KIF26B: variants seen among roughly 807,000 people sequenced by gnomAD.
KIF26B encodes the protein kinesin-like protein KIF26B.
KIF26B carries 63 observed loss-of-function variants against 151.2 expected under a neutral mutation model. The observed-to-expected ratio is 0.42, with a 90% CI of 0.34 to 0.51. The LOEUF is 0.51. Among genes scored for constraint, KIF26B ranks in the 20% least tolerant of loss-of-function variants. The pLI is 0.07. For synonymous variants in KIF26B, 1,357 were observed against 1,262.1 expected (o/e 1.08, Z -1.59); for missense variants, 2,813 against 2,913.6 (o/e 0.97, Z 0.79).
intron 3 of KIF26B, among the ~76,000 whole-genome samples, chr1:245,393,659 T>C (rs1251258155): frequency 6.6e-6 from 1 of 152,202 alleles, no homozygotes; most frequent in Non-Finnish European, 1.5e-5. Context: ...GTCTTTTCTT[T>C]TGAGTTGTTG....
intron 10 of KIF26B, among the ~76,000 whole-genome samples, chr1:245,659,864 C>T (rs959287687): frequency 6.6e-6 from 1 of 150,606 alleles, no homozygotes; most frequent in Admixed American, 6.6e-5. Context: ...CATGGCAAAA[C>T]CCAATATCTA....
At chr1:245,603,628 C>A (rs2043420219) in intron 6 of KIF26B, among the ~76,000 whole-genome samples, 2 of 152,148 alleles carry the variant, frequency 1.3e-5, no homozygotes, top group Non-Finnish European at 2.9e-5. Flanking sequence ...GCTGGTCTCT[C>A]TTCCACATTG....
Position 245,560,638 on chromosome 1 carries a change from T to C in KIF26B, c.1350+19688T>C, listed in dbSNP as rs1272831461. On this transcript the variant is annotated intron_variant, in intron 5 of 14. Transcript: ENST00000407071. The surrounding 1 kb of genome is among the most constrained non-coding windows in gnomAD (Gnocchi z 4.3). ...TTCACGGAGGTTCTCAGAGACCCCA[T>C]AAGTTTCTGGAAAAGTGGGAAACGC... 6.6e-6 allele frequency among the ~76,000 whole-genome samples: 1 copy of C among 152,138 alleles called. No homozygotes were observed. The highest frequency in any genetic ancestry group is 6.5e-5 in the Admixed American group (1 of 15,276).
chr1:245,604,314 G>A (rs1390695174), intron 6 of KIF26B, among the ~76,000 whole-genome samples: 1 of 152,202 alleles, frequency 6.6e-6, no homozygotes, highest in Non-Finnish European at 1.5e-5. Context: ...CTGCATCTGA[G>A]TAGAGGAGGT....
chr1:245,586,158 AGT>A (rs10526699), intron 5 of KIF26B, among the ~76,000 whole-genome samples: 2,106 of 142,030 alleles, frequency 0.015, 29 homozygotes, highest in South Asian at 0.055. Flanking sequence ...CACCATGACC[AGT>A]GTGTGTGTGT....
chr1:245,663,755 G>T (rs766137534), intron 10 of KIF26B, among the ~76,000 whole-genome samples: 2 of 152,000 alleles, frequency 1.3e-5, no homozygotes, highest in Non-Finnish European at 2.9e-5. Context: ...TTCAGACCAG[G>T]GTTCGCAATT....
intron 3 of KIF26B, among the ~76,000 whole-genome samples, chr1:245,391,769 C>A (rs1334601905): frequency 2.0e-5 from 3 of 151,580 alleles, no homozygotes; most frequent in Non-Finnish European, 4.4e-5. Flanking sequence ...TTTATGCCAA[C>A]ATGTGATGGG....
At chr1:245,235,265 G>A (rs1392164384) in intron 2 of KIF26B, among the ~76,000 whole-genome samples, 2 of 152,132 alleles carry the variant, frequency 1.3e-5, no homozygotes, top group East Asian at 1.9e-4. Context: ...GAACATTTGT[G>A]TCAGTTCAAT....
At chr1:245,393,938 A>AG (rs964869788) in intron 3 of KIF26B, among the ~76,000 whole-genome samples, 2 of 152,186 alleles carry the variant, frequency 1.3e-5, no homozygotes, top group African/African-American at 4.8e-5. Context: ...GGGGAGGGGA[A>AG]GGGGTCAGGG....
intron 3 of KIF26B, among the ~76,000 whole-genome samples, chr1:245,407,032 C>G (rs147793746): frequency 6.6e-6 from 1 of 152,178 alleles, no homozygotes; most frequent in Non-Finnish European, 1.5e-5. Context: ...AAGTGATCTG[C>G]CTGCCTTGGC....
intron 9 of KIF26B, among the ~76,000 whole-genome samples, chr1:245,623,889 A>G (rs1490588050): frequency 6.6e-6 from 1 of 152,178 alleles, no homozygotes; most frequent in Non-Finnish European, 1.5e-5. Context: ...AAGTCTTTGT[A>G]TGGTTATATG....
At chr1:245,700,864 G>A (rs1045596270) in intron 14 of KIF26B, among the ~76,000 whole-genome samples, 6 of 152,218 alleles carry the variant, frequency 3.9e-5, no homozygotes, top group East Asian at 1.9e-4. Context: ...TCCCCGCTGC[G>A]GATACCCTTT....
At chr1:245,480,279 G>GA (rs1660138338) in intron 4 of KIF26B, among the ~76,000 whole-genome samples, 1 of 151,314 alleles carries the variant, frequency 6.6e-6, no homozygotes, top group East Asian at 1.9e-4. Context: ...TGTCTCGGGG[G>GA]GGAGGAAAGA....
intron 4 of KIF26B, among the ~76,000 whole-genome samples, chr1:245,441,386 T>C (rs1558166924): frequency 6.6e-6 from 1 of 151,978 alleles, no homozygotes; most frequent in Non-Finnish European, 1.5e-5. Context: ...AGAAAAACTA[T>C]TGACTTTTTC....
intron 2 of KIF26B, among the ~76,000 whole-genome samples, chr1:245,279,375 A>T (rs1670997615): frequency 6.9e-6 from 1 of 144,332 alleles, no homozygotes; most frequent in Admixed American, 7.2e-5. Context: ...TGGTGCAATT[A>T]TAGCTCACTA....
At chr1:245,180,358 G>T (rs918876932) in intron 2 of KIF26B, among the ~76,000 whole-genome samples, 1 of 152,108 alleles carries the variant, frequency 6.6e-6, no homozygotes, top group South Asian at 2.1e-4. Context: ...GGGAGTCTGC[G>T]TTCTAATTCT....
chr1:245,443,435 G>A (rs1659167134), intron 4 of KIF26B, among the ~76,000 whole-genome samples: 2 of 86,728 alleles, frequency 2.3e-5, no homozygotes, highest in East Asian at 3.4e-4. Flanking sequence ...TTCACCCTGC[G>A]GTCATCTCCC....
At chr1:245,438,880 G>C (rs1055461958) in intron 4 of KIF26B, among the ~76,000 whole-genome samples, 1 of 152,168 alleles carries the variant, frequency 6.6e-6, no homozygotes, top group Non-Finnish European at 1.5e-5. Context: ...CATATCAGTG[G>C]TTGATGGGAA....
chr1:245,303,962 C>A (rs1277149535), intron 2 of KIF26B, among the ~76,000 whole-genome samples: 1 of 152,216 alleles, frequency 6.6e-6, no homozygotes, highest in Non-Finnish European at 1.5e-5. Flanking sequence ...TGATACTTCT[C>A]GAGTTAATGA....
Sources: gnomAD v4.1 joint callset for allele counts (sites outside exome capture counted in the v4.1 genomes callset) on GRCh38, gnomAD v4.1.1 for gene constraint, Gnocchi (gnomAD v3.1) non-coding constraint, MANE v1.5 for transcripts, NCBI Gene and HGNC (gene_info 2026-07-23, HGNC 2026-07-21) for gene names.